The following RAB11FIP1 variants were observed in gnomAD, a reference collection of about 807,000 sequenced individuals.
RAB11FIP1 encodes the protein rab11 family-interacting protein 1.
A neutral mutation model predicts 83.1 loss-of-function variants in RAB11FIP1; 49 were observed. That is an observed-to-expected ratio of 0.59 (90% CI 0.47 to 0.75). The LOEUF is 0.75. Ranked by LOEUF, RAB11FIP1 falls within the 30% of genes least tolerant of loss-of-function variation. RAB11FIP1 has a pLI of 0.00. For synonymous variants in RAB11FIP1, 670 were observed against 656.0 expected, an observed-to-expected ratio of 1.02 and a Z score of -0.33; for missense variants, 1,536 against 1,598.7, an observed-to-expected ratio of 0.96 and a Z score of 0.67.
intron 1 of RAB11FIP1, among the ~76,000 whole-genome samples, chr8:37,892,262 T>C (rs1806961497): frequency 6.6e-6 from 1 of 151,998 alleles, no homozygotes; most frequent in Non-Finnish European, 1.5e-5. Context: ...TTGGACATCA[T>C]TCTAGTCCAA....
In RAB11FIP1 at chr8:37,861,698, C is replaced by T. The variant is rs1806235761; in HGVS notation, c.*1197G>A. ...CCATCTCCCAAGTTCAAGCAATTCTCCTGCCCCAGCCTCCCGAGTAGCTGG... is the reference window on the plus strand; with the variant it reads ...CCATCTCCCAAGTTCAAGCAATTCTTCTGCCCCAGCCTCCCGAGTAGCTGG... On this transcript the variant is annotated 3_prime_UTR_variant, in exon 6 of 6. Coordinates refer to ENST00000330843, the MANE Select transcript of RAB11FIP1 (RefSeq NM_001002814.3). 2.6e-6 allele frequency: 1 copy of T among 389,518 alleles called. No individual in the cohort carries two copies. Among genetic ancestry groups the T allele is most frequent in the Non-Finnish European group, 4.9e-6 (1 of 202,200 alleles). 24.1% of individuals were successfully genotyped at this position (389,518 alleles called of 1,614,324 possible). A position where few individuals can be genotyped will look rare whatever the true frequency, so the allele number is the denominator to read the frequency against.
chr8:37,899,360 G>C lies in RAB11FIP1; in HGVS notation c.82C>G (p.Arg28Gly). 1 of 1,606,206 alleles carries C rather than the reference G, an allele frequency of 6.2e-7. No homozygotes were observed. Among genetic ancestry groups the C allele is most frequent in the Non-Finnish European group, 8.5e-7 (1 of 1,177,244 alleles). The change falls in exon 1 of 6, where the codon CGG becomes GGG. Residue 28 changes from arginine to glycine, a missense_variant. Arg to Gly is a moderately radical substitution (Grantham distance 125). Coordinates refer to ENST00000330843, the MANE Select transcript of RAB11FIP1 (RefSeq NM_001002814.3). This position sits in a 1 kb window ranked among gnomAD's most constrained non-coding sequence, Gnocchi z 4.5. The stretch of plus-strand genomic sequence containing the variant: ...CCGGGGCCCTTGGCCCGCAGGCCCC[G>C]CGCCTGCAGCACCGTCACCTGCACG... ...THVQVTVLQA[R>G]GLRAKGPGGT... is the part of the protein sequence containing the mutation.
intron 5 of RAB11FIP1, among the ~76,000 whole-genome samples, chr8:37,867,256 C>G (rs1014210569): frequency 4.6e-5 from 7 of 152,224 alleles, no homozygotes; most frequent in African/African-American, 1.7e-4. Context: ...ACAAGTGCTG[C>G]CTCATCTATC....
rs188539534 is a variant in RAB11FIP1, at chr8:37,892,595, C to A, written c.371+6476G>T. 2.0e-5 allele frequency among the ~76,000 whole-genome samples: 3 copies of A among 152,060 alleles called. No homozygotes were observed. The East Asian group carries it at 5.8e-4, about 29-fold the overall frequency. On this transcript the variant is annotated intron_variant, in intron 1 of 5. Transcript: ENST00000330843. The stretch of plus-strand genomic sequence containing the variant: ...TCAGCCTCCTGGGATTACAGGCACC[C>A]GCCACCATGGCCAGCTAATTTTTGT...
intron 1 of RAB11FIP1, among the ~76,000 whole-genome samples, chr8:37,883,804 G>A (rs1806770460): frequency 6.6e-6 from 1 of 152,164 alleles, no homozygotes; most frequent in South Asian, 2.1e-4. Context: ...GGCCCTGAAA[G>A]CTTGAATTAT....
At chr8:37,889,802 T>A (rs1169195674) in intron 1 of RAB11FIP1, among the ~76,000 whole-genome samples, 1 of 152,116 alleles carries the variant, frequency 6.6e-6, no homozygotes, top group Non-Finnish European at 1.5e-5. Flanking sequence ...ATTTCTTTTT[T>A]TTTTTCTTTG....
intron 1 of RAB11FIP1, among the ~76,000 whole-genome samples, chr8:37,896,798 T>G: frequency 6.6e-6 from 1 of 152,104 alleles, no homozygotes; most frequent in East Asian, 1.9e-4. Context: ...TATTTACAAA[T>G]AGAGAAACTT....
In RAB11FIP1 at chr8:37,861,397, A is replaced by G. The variant is rs549740677; in HGVS notation, c.*1498T>C. 2.7e-5 allele frequency: 9 copies of G among 335,732 alleles called. No individual in the cohort carries two copies. Among genetic ancestry groups the G allele is most frequent in the South Asian group, 1.8e-4 (8 of 43,690 alleles). The allele number at this position is 335,732 out of a possible 1,614,324, so 20.8% of individuals were successfully genotyped here. The stretch of plus-strand genomic sequence containing the variant: ...TTTTATTAACTACATTAAGCCCTTC[A>G]CTACAATTTCCCCAGTATCCCACAA... On this transcript the variant is annotated 3_prime_UTR_variant, in exon 6 of 6. Transcript: ENST00000330843.
rs530374385 is a variant in RAB11FIP1, at chr8:37,871,334, C to T, written c.3468G>A (p.Ser1156=). 63 of 1,613,996 alleles carry T rather than the reference C, an allele frequency of 3.9e-5. 1 individual carries two copies. Among genetic ancestry groups the T allele is most frequent in the African/African-American group, 3.6e-4 (27 of 75,048 alleles). The change falls in exon 4 of 6, where the codon TCG becomes TCA. Residue 1156 remains serine, a synonymous_variant. Transcript: ENST00000330843. Reference sequence around the variant, plus strand: ...GCTGAGCTGAGACTGGATGTGTCTCCGAGGGTGAGACCCAGGCCTGGAGGA... The same window carrying T: ...GCTGAGCTGAGACTGGATGTGTCTCTGAGGGTGAGACCCAGGCCTGGAGGA... ...KPLLQAWVSP[S]ETHPVSAQPG...
At position 37,894,725 on chromosome 8, in the gene RAB11FIP1, T is replaced by TATATATATATACATATATATATAC. The variant is rs780343406; in HGVS notation, c.371+4345_371+4346insGTATATATATATGTATATATATAT. 8.1e-4 allele frequency among the ~76,000 whole-genome samples: 116 copies of TATATATATATACATATATATATAC among 143,430 alleles called. 2 individuals are homozygous for TATATATATATACATATATATATAC. Among genetic ancestry groups the TATATATATATACATATATATATAC allele is most frequent in the African/African-American group, 2.9e-3 (109 of 38,080 alleles). The allele number at this position is 143,430 out of a possible 152,430, so 94.1% of individuals were successfully genotyped here. On this transcript the variant is annotated intron_variant, in intron 1 of 5. Transcript: ENST00000330843. ...ACATATATATACATATATATATACATATATATATATATATACACACACACA... is the reference window on the plus strand; with the variant it reads ...ACATATATATACATATATATATACATATATATATATACATATATATATACATATATATATATATACACACACACA...
At position 37,861,685 on chromosome 8, in the gene RAB11FIP1, T is replaced by G; in HGVS notation, c.*1210A>C. ...CTCGCTGCAGCCTCCATCTCCCAAG[T>G]TCAAGCAATTCTCCTGCCCCAGCCT... On this transcript the variant is annotated 3_prime_UTR_variant, in exon 6 of 6. Coordinates refer to ENST00000330843, the MANE Select transcript of RAB11FIP1 (RefSeq NM_001002814.3). 2.5e-6 allele frequency: 1 copy of G among 399,168 alleles called. No homozygotes were observed. Among genetic ancestry groups the G allele is most frequent in the Non-Finnish European group, 4.8e-6 (1 of 207,188 alleles). The allele number at this position is 399,168 out of a possible 1,614,324, so 24.7% of individuals were successfully genotyped here.
At chr8:37,884,066 ATT>A (rs1806774996) in intron 1 of RAB11FIP1, among the ~76,000 whole-genome samples, 2 of 151,954 alleles carry the variant, frequency 1.3e-5, no homozygotes, top group Admixed American at 6.6e-5. Flanking sequence ...TTATTTATTT[ATT>A]TATTTTTGAG....
chr8:37,893,398 T>A (rs1165043495), intron 1 of RAB11FIP1, among the ~76,000 whole-genome samples: 1 of 152,176 alleles, frequency 6.6e-6, no homozygotes, highest in Non-Finnish European at 1.5e-5. Context: ...CTGGGCTTCC[T>A]GAAAGCAGGG....
chr8:37,874,699 C>T lies in RAB11FIP1; in HGVS notation c.1438G>A (p.Ala480Thr), dbSNP rs546332369. The change falls in exon 3 of 6, where the codon GCT (alanine) becomes ACT (threonine). Residue 480 changes from alanine to threonine, a missense_variant. Coordinates refer to ENST00000330843, the MANE Select transcript of RAB11FIP1 (RefSeq NM_001002814.3). ...TCAGATCTTCTCACAAGGTCTTCAGCAGGCCCCGATGCGTCCTCCCCCGGC... is the reference window on the plus strand; with the variant it reads ...TCAGATCTTCTCACAAGGTCTTCAGTAGGCCCCGATGCGTCCTCCCCCGGC... The part of the protein sequence containing the change: ...VKPGEDASGP[A>T]EDLVRRSEKD... 6.2e-7 allele frequency: 1 copy of T among 1,614,234 alleles called. No homozygotes were observed. The highest frequency in any genetic ancestry group is 2.2e-5 in the East Asian group (1 of 44,884).
rs752096250 is a variant in RAB11FIP1, at chr8:37,861,585, A to G, written c.*1310T>C. 4.5e-6 allele frequency: 2 copies of G among 443,248 alleles called. No individual in the cohort carries two copies. Among genetic ancestry groups the G allele is most frequent in the African/African-American group, 2.1e-5 (1 of 48,458 alleles). The allele number at this position is 443,248 out of a possible 1,614,324, so 27.5% of individuals were successfully genotyped here. Reference sequence around the variant, plus strand: ...TTTTTTTTAAGACAGAGTCTTAAAAAAATTGCCCAGGCTCTTTTTTTAAGA... The same window carrying G: ...TTTTTTTTAAGACAGAGTCTTAAAAGAATTGCCCAGGCTCTTTTTTTAAGA... On this transcript the variant is annotated 3_prime_UTR_variant, in exon 6 of 6. Coordinates refer to ENST00000330843, the MANE Select transcript of RAB11FIP1 (RefSeq NM_001002814.3).
rs897483272 is a variant in RAB11FIP1, at chr8:37,873,411, C to T, written c.1623-232G>A. On this transcript the variant is annotated intron_variant, in intron 3 of 5. Transcript: ENST00000330843. ...CCTGAAGTCAGGAGTTCAAGACCAG[C>T]CCAGCCAACATGGTGAAACCTCATC... The T allele has an allele frequency of 6.9e-6, 3 of 432,298 alleles. No homozygotes were observed. In the East Asian group the frequency reaches 1.2e-4, roughly 18 times the overall value. 26.8% of individuals were successfully genotyped at this position (432,298 alleles called of 1,614,324 possible). A position where few individuals can be genotyped will look rare whatever the true frequency, so the allele number is the denominator to read the frequency against.
chr8:37,868,953 G>A (rs922479268), intron 5 of RAB11FIP1, among the ~76,000 whole-genome samples: 31 of 152,160 alleles, frequency 2.0e-4, no homozygotes, highest in African/African-American at 7.5e-4. Context: ...AACAGGCTGT[G>A]CATCTTGCCT....
intron 1 of RAB11FIP1, among the ~76,000 whole-genome samples, chr8:37,892,531 C>T (rs1168150036): frequency 2.0e-5 from 3 of 151,318 alleles, no homozygotes; most frequent in African/African-American, 2.4e-5. Context: ...CTCAGCTCAC[C>T]GCAACCTCTG....
chr8:37,889,177 G>A (rs1806897073), intron 1 of RAB11FIP1, among the ~76,000 whole-genome samples: 1 of 152,146 alleles, frequency 6.6e-6, no homozygotes, highest in Non-Finnish European at 1.5e-5. Flanking sequence ...AAAGAGACAA[G>A]AAACAGAGGG....
Sources: gnomAD v4.1 joint callset for allele counts (sites outside exome capture counted in the v4.1 genomes callset) on GRCh38, gnomAD v4.1.1 for gene constraint, Gnocchi (gnomAD v3.1) non-coding constraint, MANE v1.5 for transcripts, NCBI Gene and HGNC (gene_info 2026-07-23, HGNC 2026-07-21) for gene names.